RBMS1: variants seen among roughly 807,000 people sequenced by gnomAD.
The protein encoded by RBMS1 is RNA binding motif single stranded interacting protein 1, also known as RNA-binding motif, single-stranded-interacting protein 1.
Under a neutral mutation model 62.3 loss-of-function variants are expected in RBMS1, and 17 were observed. The observed-to-expected ratio is 0.27, with a 90% CI of 0.19 to 0.41. The LOEUF (loss-of-function observed/expected upper bound fraction) is 0.41. RBMS1 is among the 10% of genes least tolerant of loss of function. The pLI is 1.00. For synonymous variants in RBMS1, 172 were observed against 170.0 expected, an observed-to-expected ratio of 1.01 and a Z score of -0.09; for missense variants, 334 against 504.5, an observed-to-expected ratio of 0.66 and a Z score of 3.24.
chr2:160,443,943 A>T (rs150391584), intron 1 of RBMS1, among the ~76,000 whole-genome samples: 1 of 152,264 alleles, frequency 6.6e-6, no homozygotes, highest in Non-Finnish European at 1.5e-5. Context: ...CTACTTGTAG[A>T]GTTTCTGGTA....
At chr2:160,278,925 T>G (rs1278605119) in intron 10 of RBMS1, 1 of 267,736 alleles carries the variant, frequency 3.7e-6, no homozygotes, top group African/African-American at 2.2e-5. Flanking sequence ...GTCCCTCTTC[T>G]CCTTCCCTTT....
chr2:160,437,624 T>G (rs760018115), intron 1 of RBMS1, among the ~76,000 whole-genome samples: 20 of 152,230 alleles, frequency 1.3e-4, no homozygotes, highest in Non-Finnish European at 2.5e-4. Flanking sequence ...AATACGACAC[T>G]TCGTCTGGAT....
chr2:160,326,336 T>C (rs1479820321), intron 2 of RBMS1, among the ~76,000 whole-genome samples: 1 of 152,170 alleles, frequency 6.6e-6, no homozygotes, highest in Admixed American at 6.5e-5. Context: ...TGTAAAAAAC[T>C]TTTAATACTA....
At chr2:160,319,658 T>C (rs1446286720) in intron 2 of RBMS1, among the ~76,000 whole-genome samples, 1 of 152,250 alleles carries the variant, frequency 6.6e-6, no homozygotes, top group Non-Finnish European at 1.5e-5. Flanking sequence ...TCTACTTTAA[T>C]TTTCTCATGA....
At chr2:160,367,847 T>C (rs1330906743) in intron 1 of RBMS1, among the ~76,000 whole-genome samples, 1 of 152,032 alleles carries the variant, frequency 6.6e-6, no homozygotes, top group Non-Finnish European at 1.5e-5. Context: ...ACAAGAAAGT[T>C]AGAGTTTAAT....
intron 3 of RBMS1, among the ~76,000 whole-genome samples, chr2:160,315,934 T>C (rs994295826): frequency 6.6e-6 from 1 of 152,192 alleles, no homozygotes; most frequent in African/African-American, 2.4e-5. Flanking sequence ...TCCAAAAATA[T>C]GTTTTGTGGC....
At position 160,273,807 on chromosome 2, in the gene RBMS1, C is replaced by A. The variant is rs1205368786; in HGVS notation, c.*965G>T. 5 of 135,602 alleles carry A rather than the reference C, an allele frequency of 3.7e-5. No individual in the cohort carries two copies. The highest frequency in any genetic ancestry group is 1.4e-4 in the African/African-American group (5 of 36,728). The allele number at this position is 135,602 out of a possible 1,614,324, so 8.4% of individuals were successfully genotyped here. On this transcript the variant is annotated 3_prime_UTR_variant, in exon 14 of 14. Transcript: ENST00000348849. ...CTGAAAAAAGGCAAAAAAGACTTTACATTGCATCATACAGCAGATATCCTA... is the reference window on the plus strand; with the variant it reads ...CTGAAAAAAGGCAAAAAAGACTTTAAATTGCATCATACAGCAGATATCCTA...
At chr2:160,478,975 G>T (rs1156850451) in intron 1 of RBMS1, among the ~76,000 whole-genome samples, 1 of 152,196 alleles carries the variant, frequency 6.6e-6, no homozygotes, top group Non-Finnish European at 1.5e-5. Context: ...TTAGGAAGGT[G>T]GTTCCCATCA....
intron 1 of RBMS1, among the ~76,000 whole-genome samples, chr2:160,440,394 A>G (rs557702552): frequency 6.6e-6 from 1 of 152,190 alleles, no homozygotes; most frequent in Admixed American, 6.5e-5. Flanking sequence ...CTTCCACCTC[A>G]GCTCCACCTT....
intron 1 of RBMS1, among the ~76,000 whole-genome samples, chr2:160,428,299 G>A (rs1030088636): frequency 2.6e-5 from 4 of 152,090 alleles, no homozygotes; most frequent in South Asian, 2.1e-4. Flanking sequence ...TGAAAACACC[G>A]GATGTAATCG....
intron 1 of RBMS1, among the ~76,000 whole-genome samples, chr2:160,418,035 A>T (rs898132519): frequency 6.6e-6 from 1 of 152,110 alleles, no homozygotes; most frequent in African/African-American, 2.4e-5. Flanking sequence ...CTCCACAATC[A>T]CGTCATTCTA....
At chr2:160,386,720 C>T (rs1174349515) in intron 1 of RBMS1, among the ~76,000 whole-genome samples, 1 of 152,080 alleles carries the variant, frequency 6.6e-6, no homozygotes, top group Non-Finnish European at 1.5e-5. Context: ...CACCAGAACC[C>T]GATCATGTTG....
rs1253248323 is a variant in RBMS1, at chr2:160,318,151, C to T, written c.310+18G>A. ...TCTAAAGCTATCATTTACCAAATAACCAGCCAAGAAAACATACCTTTGCAT... is the reference window on the plus strand; with the variant it reads ...TCTAAAGCTATCATTTACCAAATAATCAGCCAAGAAAACATACCTTTGCAT... On this transcript the variant is annotated intron_variant, in intron 3 of 13. Transcript: ENST00000348849. 1.3e-6 allele frequency: 2 copies of T among 1,583,230 alleles called. No individual in the cohort carries two copies. The highest frequency in any genetic ancestry group is 1.4e-5 in the African/African-American group (1 of 71,818).
At chr2:160,425,565 G>A (rs1487567784) in intron 1 of RBMS1, among the ~76,000 whole-genome samples, 4 of 152,120 alleles carry the variant, frequency 2.6e-5, no homozygotes, top group Non-Finnish European at 5.9e-5. Context: ...TGAGGTAGAG[G>A]AATCATCACT....
intron 1 of RBMS1, among the ~76,000 whole-genome samples, chr2:160,370,494 C>T (rs1693666563): frequency 6.6e-6 from 1 of 152,136 alleles, no homozygotes; most frequent in Non-Finnish European, 1.5e-5. Context: ...CTGCTGAGTA[C>T]TTTACATACA....
intron 4 of RBMS1, among the ~76,000 whole-genome samples, chr2:160,311,248 A>ATATCTATATATC (rs1689892065): frequency 1.9e-5 from 2 of 105,358 alleles, no homozygotes; most frequent in Non-Finnish European, 4.4e-5. Context: ...ATATATATAT[A>ATATCTATATATC]TATATATATA....
chr2:160,295,969 G>C (rs2105945697), intron 6 of RBMS1, among the ~76,000 whole-genome samples: 1 of 152,342 alleles, frequency 6.6e-6, no homozygotes, highest in African/African-American at 2.4e-5. Flanking sequence ...TGGATGAATA[G>C]GTGGTCACAA....
chr2:160,418,191 A>G (rs1473182637), intron 1 of RBMS1, among the ~76,000 whole-genome samples: 1 of 152,232 alleles, frequency 6.6e-6, no homozygotes, highest in African/African-American at 2.4e-5. Flanking sequence ...CCTTGAGAAC[A>G]TGAATACTGG....
At chr2:160,434,402 AG>A (rs1305758397) in intron 1 of RBMS1, among the ~76,000 whole-genome samples, 1 of 152,168 alleles carries the variant, frequency 6.6e-6, no homozygotes, top group Non-Finnish European at 1.5e-5. Context: ...ACTAAAAAAT[AG>A]GGCATGAGTG....
Sources: allele counts gnomAD v4.1 joint callset (sites outside exome capture counted in the v4.1 genomes callset), GRCh38; gene constraint gnomAD v4.1.1; transcripts MANE v1.5; gene names NCBI Gene and HGNC (gene_info 2026-07-23, HGNC 2026-07-21).